DSE: variants seen among roughly 807,000 people sequenced by gnomAD.
DSE encodes dermatan sulfate epimerase.
In DSE, 36 loss-of-function variants were observed where a neutral mutation model predicts 84.4. The observed-to-expected ratio is 0.43, with a 90% confidence interval of 0.33 to 0.56. DSE has a LOEUF of 0.56. DSE is among the 20% of genes least tolerant of loss of function. The pLI, the probability that DSE is intolerant of heterozygous loss-of-function variation, is 0.06. For synonymous variants in DSE, 410 were observed against 430.1 expected (o/e 0.95, Z 0.58); for missense variants, 862 against 1,169.6 (o/e 0.74, Z 3.84).
intron 2 of DSE, among the ~76,000 whole-genome samples, chr6:116,272,343 C>T (rs1322036417): frequency 6.6e-6 from 1 of 152,170 alleles, no homozygotes; most frequent in Non-Finnish European, 1.5e-5. Context: ...CATCTTTGGA[C>T]ACTTTAAAAG....
At chr6:116,322,744 A>G (rs978436155) in intron 2 of DSE, among the ~76,000 whole-genome samples, 4 of 152,216 alleles carry the variant, frequency 2.6e-5, no homozygotes, top group African/African-American at 7.2e-5. Flanking sequence ...TGAGATTTCA[A>G]TTTGTTGAAA....
chr6:116,351,722 A>G (rs1380367535), intron 2 of DSE, among the ~76,000 whole-genome samples: 1 of 152,216 alleles, frequency 6.6e-6, no homozygotes, highest in Non-Finnish European at 1.5e-5. Context: ...TAGAAACTCA[A>G]CTTTATCAAC....
At chr6:116,345,380 T>C (rs1777889907) in intron 2 of DSE, among the ~76,000 whole-genome samples, 1 of 152,178 alleles carries the variant, frequency 6.6e-6, no homozygotes, top group Non-Finnish European at 1.5e-5. Flanking sequence ...AAAGCACTCC[T>C]CAGCAAATGT....
chr6:116,297,139 T>C (rs1422391792), intron 2 of DSE, among the ~76,000 whole-genome samples: 1 of 152,128 alleles, frequency 6.6e-6, no homozygotes, highest in Non-Finnish European at 1.5e-5. Flanking sequence ...ACTGTTTCAG[T>C]GTGTGCTGAC....
At chr6:116,371,240 C>G (rs944009862) in intron 1 of DSE, 119 bp downstream of exon 1, 15 of 979,012 alleles carry the variant, frequency 1.5e-5, no homozygotes, top group Non-Finnish European at 1.6e-5. Context: ...GAGCCACGTC[C>G]CCGGCTGAGA....
chr6:116,297,396 C>A (rs1204087033), intron 2 of DSE, among the ~76,000 whole-genome samples: 1 of 152,138 alleles, frequency 6.6e-6, no homozygotes, highest in African/African-American at 2.4e-5. Context: ...TTCCTTCCTT[C>A]CTTTCTCCTT....
chr6:116,410,733 C>CAAAAA lies in DSE; in HGVS notation c.416+11096_416+11100dup, dbSNP rs765969508. The stretch of plus-strand genomic sequence containing the variant: ...TGGGCGACAGAGCGAGACTCTGTCT[C>CAAAAA]AAAAAAAAAAAAAAAAAAAAAAAAA... On this transcript the variant is annotated intron_variant, in intron 2 of 5. Coordinates refer to ENST00000644252, the MANE Select transcript of DSE (RefSeq NM_013352.4). Among the ~76,000 whole-genome samples, 450 of 79,532 alleles carry CAAAAA rather than the reference C, an allele frequency of 5.7e-3. 8 individuals carry two copies. The highest frequency in any genetic ancestry group is 7.1e-3 in the African/African-American group (120 of 16,916). 52.2% of individuals were successfully genotyped at this position (79,532 alleles called of 152,430 possible). A position where few individuals can be genotyped will look rare whatever the true frequency, so the allele number is the denominator to read the frequency against.
At chr6:116,254,203 C>T in exon 1 of DSE, 1 of 724,104 alleles carries the variant, frequency 1.4e-6, no homozygotes, top group Admixed American at 2.0e-5. Flanking sequence ...ATCAATCCAT[C>T]GTATTCCTTT....
intron 1 of DSE, chr6:116,375,565 T>C: frequency 1.0e-6 from 1 of 984,784 alleles, no homozygotes; most frequent in Non-Finnish European, 1.2e-6. Context: ...CTCACTTTAG[T>C]GTTTCACAAC....
At chr6:116,428,966 G>T (rs1401491621) in intron 3 of DSE, among the ~76,000 whole-genome samples, 2 of 152,130 alleles carry the variant, frequency 1.3e-5, no homozygotes. Flanking sequence ...AAAGTATTTT[G>T]GTAGACATTG....
intron 1 of DSE, among the ~76,000 whole-genome samples, chr6:116,398,601 G>C (rs1052716593): frequency 2.6e-5 from 4 of 152,194 alleles, no homozygotes; most frequent in African/African-American, 9.7e-5. Context: ...GGGCTTGGCA[G>C]ATGTTTACAT....
rs180893942 is a variant in DSE at position 116,285,299 on chromosome 6, T to C, written c.-54+26332T>C. On this transcript the variant is annotated intron_variant, in intron 2 of 3. Coordinates refer to the DSE transcript ENST00000430252. ...TGATGAGCATTTTTTCATGTGTCTG[T>C]AGGCTGTATAAATGTCTTCTTTTGA... Among the ~76,000 whole-genome samples the C allele has an allele frequency of 7.9e-3, 1,196 of 152,348 alleles. 22 individuals are homozygous for C. Among genetic ancestry groups the C allele is most frequent in the South Asian group, 0.052 (252 of 4,832 alleles).
chr6:116,380,883 A>G (rs1780179707), intron 1 of DSE, among the ~76,000 whole-genome samples: 1 of 152,162 alleles, frequency 6.6e-6, no homozygotes, highest in African/African-American at 2.4e-5. Flanking sequence ...ATCTGTACAC[A>G]TTCTTACCGA....
chr6:116,399,479 A>G lies in DSE; in HGVS notation c.229A>G (p.Thr77Ala). 6.2e-7 allele frequency: 1 copy of G among 1,614,222 alleles called. No homozygotes were observed. The highest frequency in any genetic ancestry group is 8.5e-7 in the Non-Finnish European group (1 of 1,180,044). ...IAARLTEAVH[T>A]MLSSPLEYLP... The stretch of plus-strand genomic sequence containing the variant: ...AGCCCGCCTCACGGAGGCTGTGCAC[A>G]CGATGCTGTCCAGCCCCTTGGAATA... Residue 77 changes from threonine (T) to alanine (A), a missense_variant, in exon 2 of 6, where the codon ACG becomes GCG. By Grantham distance (58) the Thr-to-Ala change is moderately conservative (BLOSUM62 0). Around this residue, in one of 4 missense-constraint regions of DSE, gnomAD observed 309 missense variants for 516.9 expected, o/e 0.60. Coordinates refer to ENST00000644252, the MANE Select transcript of DSE (RefSeq NM_013352.4).
In DSE at chr6:116,440,319, C is replaced by G. The variant is rs1784387241; in HGVS notation, c.*2974C>G. On this transcript the variant is annotated 3_prime_UTR_variant, in exon 6 of 6. Transcript: ENST00000644252. ...AAAAAATTATTTTTATTTCTAGAGACACGGTCCTTTCTGCATCACCCAGGC... is the reference window on the plus strand; with the variant it reads ...AAAAAATTATTTTTATTTCTAGAGAGACGGTCCTTTCTGCATCACCCAGGC... 6.6e-6 allele frequency: 1 copy of G among 152,154 alleles called. No homozygotes were observed. The highest frequency in any genetic ancestry group is 2.1e-4 in the South Asian group (1 of 4,836). 9.4% of individuals were successfully genotyped at this position (152,154 alleles called of 1,614,324 possible). A position where few individuals can be genotyped will look rare whatever the true frequency, so the allele number is the denominator to read the frequency against.
chr6:116,273,737 A>G (rs1350213168), intron 2 of DSE, among the ~76,000 whole-genome samples: 2 of 152,152 alleles, frequency 1.3e-5, no homozygotes, highest in East Asian at 3.9e-4. Flanking sequence ...GACAACCTTT[A>G]CTATCCCATT....
At chr6:116,356,497 A>G (rs1050936156) in intron 2 of DSE, among the ~76,000 whole-genome samples, 1 of 152,260 alleles carries the variant, frequency 6.6e-6, no homozygotes, top group African/African-American at 2.4e-5. Context: ...TAATGTGGCA[A>G]TAAAGCATTT....
At chr6:116,297,974 A>C (rs1456257470) in intron 2 of DSE, among the ~76,000 whole-genome samples, 1 of 152,190 alleles carries the variant, frequency 6.6e-6, no homozygotes, top group East Asian at 1.9e-4. Context: ...TTCATTGTTA[A>C]AACTGGCTAG....
intron 1 of DSE, among the ~76,000 whole-genome samples, chr6:116,254,586 T>C (rs1485695315): frequency 6.6e-6 from 1 of 152,214 alleles, no homozygotes; most frequent in Non-Finnish European, 1.5e-5. Context: ...GGCAAACTTC[T>C]CTCATCCTAA....
Sources: allele counts gnomAD v4.1 joint callset (sites outside exome capture counted in the v4.1 genomes callset), GRCh38; gene constraint gnomAD v4.1.1; regional missense constraint gnomAD v4.1.1; transcripts MANE v1.5; gene names NCBI Gene and HGNC (gene_info 2026-07-23, HGNC 2026-07-21).